Variants in TRAPPC9 observed in about 807,000 individuals in gnomAD.
TRAPPC9 encodes the protein IKK2 binding protein.
In TRAPPC9, 83 loss-of-function variants were observed where a neutral mutation model predicts 124.0. The observed-to-expected ratio is 0.67, with a 90% CI of 0.56 to 0.80. TRAPPC9 has a LOEUF of 0.80. Ranked by LOEUF, TRAPPC9 falls within the 30% of genes least tolerant of loss-of-function variation. The probability of loss-of-function intolerance (pLI) is 0.00; values close to 1 mark genes in which losing one functional copy is unlikely to be tolerated. For missense variants in TRAPPC9, 1,302 were observed against 1,508.3 expected (o/e 0.86, Z 2.27); for synonymous variants, 638 against 617.5 (o/e 1.03, Z -0.49).
At chr8:139,916,415 C>G (rs1832133612) in intron 19 of TRAPPC9, 1 of 152,204 alleles carries the variant, frequency 6.6e-6, no homozygotes, top group Middle Eastern at 3.2e-3. Context: ...GACCAAGGAG[C>G]TGAGGCGCTA....
intron 19 of TRAPPC9, chr8:139,932,168 C>G: frequency 2.6e-6 from 1 of 388,404 alleles, no homozygotes; most frequent in Non-Finnish European, 5.2e-6. Context: ...AAGCATTGAC[C>G]TTACAGGGAG....
intron 17 of TRAPPC9, among the ~76,000 whole-genome samples, chr8:140,067,329 G>A (rs371551750): frequency 6.6e-5 from 10 of 152,234 alleles, no homozygotes; most frequent in African/African-American, 2.4e-4. Flanking sequence ...ATTTTTACTA[G>A]AGACAGGGTT....
intron 21 of TRAPPC9, among the ~76,000 whole-genome samples, chr8:139,736,930 T>C (rs1818210478): frequency 6.6e-6 from 1 of 151,968 alleles, no homozygotes; most frequent in African/African-American, 2.4e-5. Flanking sequence ...AAGGAGCATA[T>C]AAGAGGAGAG....
intron 7 of TRAPPC9, among the ~76,000 whole-genome samples, chr8:140,381,714 A>G (rs2068616352): frequency 6.6e-6 from 1 of 151,688 alleles, no homozygotes; most frequent in South Asian, 2.1e-4. Context: ...AATGCTCAAC[A>G]GCATCAGCCA....
intron 21 of TRAPPC9, among the ~76,000 whole-genome samples, chr8:139,767,009 T>G (rs1200177124): frequency 6.6e-6 from 1 of 152,214 alleles, no homozygotes; most frequent in Non-Finnish European, 1.5e-5. Flanking sequence ...AGGGCCCGGC[T>G]GGCAGTTGCT....
chr8:140,209,708 A>G (rs1340377969), intron 17 of TRAPPC9, among the ~76,000 whole-genome samples: 1 of 152,214 alleles, frequency 6.6e-6, no homozygotes. Flanking sequence ...TTAACTCCTT[A>G]CAATAGCCCC....
rs1464463711 is a variant in TRAPPC9, at chr8:140,063,753, G to A, written c.2557-39674C>T. ...ATTGCTCTGTGTTTCCTTAAGAGCG[G>A]GACTTGCGGGCGGGGTATGCATCAA... is the stretch of plus-strand genomic sequence containing the variant. On this transcript the variant is annotated intron_variant, in intron 17 of 22. Coordinates refer to ENST00000438773, the MANE Select transcript of TRAPPC9 (RefSeq NM_001160372.4). This position sits in a 1 kb window ranked among gnomAD's most constrained non-coding sequence, Gnocchi z 4.3. Among the ~76,000 whole-genome samples, 1 of 152,100 alleles carries A rather than the reference G, an allele frequency of 6.6e-6. No homozygotes were observed. Among genetic ancestry groups the A allele is most frequent in the African/African-American group, 2.4e-5 (1 of 41,414 alleles).
chr8:139,942,339 A>C (rs965647372), intron 19 of TRAPPC9, among the ~76,000 whole-genome samples: 2 of 152,048 alleles, frequency 1.3e-5, no homozygotes, highest in Non-Finnish European at 2.9e-5. Context: ...TGACCCAACA[A>C]GTGTTCTTAT....
intron 18 of TRAPPC9, among the ~76,000 whole-genome samples, chr8:140,010,471 C>A (rs1037829544): frequency 6.6e-6 from 1 of 152,060 alleles, no homozygotes; most frequent in African/African-American, 2.4e-5. Flanking sequence ...TTAAAATATA[C>A]GGCACACAAA....
At chr8:140,280,653 C>CTAG (rs1013618068) in intron 14 of TRAPPC9, among the ~76,000 whole-genome samples, 2 of 152,004 alleles carry the variant, frequency 1.3e-5, no homozygotes, top group Non-Finnish European at 1.5e-5. Context: ...AGGCTGGTCT[C>CTAG]CAACTCCTGA....
intron 21 of TRAPPC9, among the ~76,000 whole-genome samples, chr8:139,845,801 C>T (rs977030582): frequency 9.9e-5 from 15 of 152,214 alleles, no homozygotes; most frequent in Non-Finnish European, 1.9e-4. Context: ...CACTATTACT[C>T]GGGGGTTTCT....
intron 17 of TRAPPC9, among the ~76,000 whole-genome samples, chr8:140,173,937 T>C (rs1274963827): frequency 2.6e-5 from 4 of 152,044 alleles, no homozygotes; most frequent in Non-Finnish European, 5.9e-5. Context: ...ATCTGTAAAA[T>C]GGGGTTATTG....
At chr8:139,946,182 G>A (rs1478107852) in intron 19 of TRAPPC9, among the ~76,000 whole-genome samples, 3 of 152,122 alleles carry the variant, frequency 2.0e-5, no homozygotes, top group Non-Finnish European at 2.9e-5. Flanking sequence ...CAAAGAAATC[G>A]AGGCTCAAAG....
chr8:140,397,794 T>C, intron 6 of TRAPPC9, 49 bp from the exon 7 acceptor site: 2 of 1,609,800 alleles, frequency 1.2e-6, no homozygotes, highest in African/African-American at 2.7e-5. Flanking sequence ...TTCAGATGTT[T>C]CTGTCACATT....
intron 15 of TRAPPC9, among the ~76,000 whole-genome samples, chr8:140,260,292 G>T (rs975492738): frequency 6.6e-6 from 1 of 152,106 alleles, no homozygotes; most frequent in Admixed American, 6.6e-5. Context: ...CCCGTGGCTC[G>T]AGAGTGAAGT....
At chr8:140,368,315 T>C (rs1216044110) in intron 8 of TRAPPC9, among the ~76,000 whole-genome samples, 1 of 152,166 alleles carries the variant, frequency 6.6e-6, no homozygotes, top group Non-Finnish European at 1.5e-5. Flanking sequence ...ACCATTCACA[T>C]GTTGAGGGTG....
At chr8:139,973,732 G>T (rs568968351) in intron 19 of TRAPPC9, among the ~76,000 whole-genome samples, 11 of 152,272 alleles carry the variant, frequency 7.2e-5, no homozygotes, top group African/African-American at 2.6e-4. Context: ...ACTGAGAAAG[G>T]TTTTCCTTCC....
In TRAPPC9 at chr8:140,242,478, T is replaced by G. The variant is rs1009823630; in HGVS notation, c.2431+10299A>C. 1.1e-4 allele frequency among the ~76,000 whole-genome samples: 16 copies of G among 152,154 alleles called. 1 individual carries two copies. The highest frequency in any genetic ancestry group is 9.8e-4 in the Admixed American group (15 of 15,278). On this transcript the variant is annotated intron_variant, in intron 16 of 22. Coordinates refer to ENST00000438773, the MANE Select transcript of TRAPPC9 (RefSeq NM_001160372.4). ...ACTCTTGCCGGCACTTCCCAGCAGA[T>G]GATAATGGCTTTTGCCACCAAAGGA...
intron 18 of TRAPPC9, among the ~76,000 whole-genome samples, chr8:140,001,560 G>C (rs968788400): frequency 3.9e-5 from 6 of 152,046 alleles, no homozygotes; most frequent in Non-Finnish European, 8.8e-5. Context: ...TAAACCTCTA[G>C]CCACAATTAC....
Sources: allele counts gnomAD v4.1 joint callset (sites outside exome capture counted in the v4.1 genomes callset), GRCh38; gene constraint gnomAD v4.1.1; non-coding constraint Gnocchi (gnomAD v3.1); transcripts MANE v1.5; gene names NCBI Gene and HGNC (gene_info 2026-07-23, HGNC 2026-07-21).